PVT1: variants seen among roughly 807,000 people sequenced by gnomAD.
PVT1 encodes the protein Pvt1 oncogene, also known as CXCR4/PVT1 fusion.
At chr8:127,823,243 G>A (rs1810793071) in intron 2 of PVT1, among the ~76,000 whole-genome samples, 1 of 152,126 alleles carries the variant, frequency 6.6e-6, no homozygotes, top group Non-Finnish European at 1.5e-5. Context: ...TCAGGTTGTT[G>A]GGGAGGCTTT....
intron 2 of PVT1, among the ~76,000 whole-genome samples, chr8:127,842,260 T>G (rs1814982795): frequency 6.6e-6 from 1 of 151,014 alleles, no homozygotes; most frequent in South Asian, 2.1e-4. Context: ...CTCTGGATTT[T>G]TTTTTTTTTT....
chr8:127,840,149 CCTTTGG>C (rs1329765452), intron 2 of PVT1, among the ~76,000 whole-genome samples: 1 of 152,112 alleles, frequency 6.6e-6, no homozygotes, highest in African/African-American at 2.4e-5. Flanking sequence ...CTACACAGGG[CCTTTGG>C]CTTTCTTCGG....
intron 3 of PVT1, among the ~76,000 whole-genome samples, chr8:127,906,528 A>G (rs1474548218): frequency 6.6e-6 from 1 of 152,044 alleles, no homozygotes; most frequent in African/African-American, 2.4e-5. Context: ...GCAGATTGTA[A>G]CTCTTTGGTG....
chr8:127,945,965 A>G (rs1219750974), intron 3 of PVT1, among the ~76,000 whole-genome samples: 1 of 152,144 alleles, frequency 6.6e-6, no homozygotes, highest in African/African-American at 2.4e-5. Context: ...GACTAAAGCT[A>G]CCAGCCTCGC....
intron 3 of PVT1, among the ~76,000 whole-genome samples, chr8:127,975,424 G>A (rs1816813198): frequency 6.6e-6 from 1 of 152,058 alleles, no homozygotes; most frequent in Non-Finnish European, 1.5e-5. Context: ...TTGCCTCTGT[G>A]TGTTTACCAA....
chr8:127,845,438 G>A (rs2129723245), intron 2 of PVT1, among the ~76,000 whole-genome samples: 1 of 152,318 alleles, frequency 6.6e-6, no homozygotes, highest in Admixed American at 6.5e-5. Context: ...GGGACAGAGG[G>A]GAGAGGGTGA....
At chr8:127,818,765 A>C (rs7818222) in intron 2 of PVT1, among the ~76,000 whole-genome samples, 5,111 of 152,240 alleles carry the variant, frequency 0.034, 90 homozygotes, top group Middle Eastern at 0.037. Context: ...ACTAGAAAAT[A>C]AGTGGTACTC....
At chr8:127,825,334 A>C (rs1413159316) in intron 2 of PVT1, among the ~76,000 whole-genome samples, 38 of 152,182 alleles carry the variant, frequency 2.5e-4, no homozygotes, top group Non-Finnish European at 7.3e-5. Flanking sequence ...GGTTACACCA[A>C]GTTACAGTCA....
intron 3 of PVT1, among the ~76,000 whole-genome samples, chr8:127,961,698 G>A (rs10808562): frequency 0.43 from 65,841 of 152,078 alleles, 14,584 homozygotes; most frequent in East Asian, 0.61. Context: ...TCCAAACCAC[G>A]GAACAACTTG....
chr8:128,032,327 A>G (rs1373201002), intron 4 of PVT1, among the ~76,000 whole-genome samples: 1 of 152,116 alleles, frequency 6.6e-6, no homozygotes, highest in Non-Finnish European at 1.5e-5. Flanking sequence ...AAGGGTGAGG[A>G]GGTTGCCCCA....
intron 2 of PVT1, among the ~76,000 whole-genome samples, chr8:127,822,356 T>C (rs1814743131): frequency 6.6e-6 from 1 of 152,172 alleles, no homozygotes; most frequent in Non-Finnish European, 1.5e-5. Context: ...GACGAGCGGA[T>C]AGTTGAGATC....
intron 2 of PVT1, among the ~76,000 whole-genome samples, chr8:127,887,206 C>G (rs1430266391): frequency 6.6e-6 from 1 of 152,176 alleles, no homozygotes; most frequent in Non-Finnish European, 1.5e-5. Context: ...GCCTTGATCT[C>G]TGTCCTGATG....
At chr8:127,947,353 G>A (rs1334033640) in intron 3 of PVT1, 1 of 246,982 alleles carries the variant, frequency 4.0e-6, no homozygotes, top group Non-Finnish European at 8.1e-6. Flanking sequence ...GATAATTACT[G>A]TTGCTCAAAG....
At chr8:128,044,029 T>G (rs886224391) in intron 4 of PVT1, among the ~76,000 whole-genome samples, 22 of 148,004 alleles carry the variant, frequency 1.5e-4, no homozygotes, top group Admixed American at 1.4e-3. Context: ...TTTTTTTTTT[T>G]TGTAGAGAAG....
intron 4 of PVT1, among the ~76,000 whole-genome samples, chr8:128,029,186 T>C (rs1041868982): frequency 6.6e-6 from 1 of 151,946 alleles, no homozygotes; most frequent in African/African-American, 2.4e-5. Flanking sequence ...GCAGTGGCTC[T>C]ATCACTGCTT....
intron 2 of PVT1, among the ~76,000 whole-genome samples, chr8:127,844,851 C>A (rs1371180048): frequency 6.6e-6 from 1 of 152,098 alleles, no homozygotes; most frequent in Non-Finnish European, 1.5e-5. Flanking sequence ...GTAGCTGGAA[C>A]TACAGGCGCC....
intron 6 of PVT1, among the ~76,000 whole-genome samples, chr8:128,097,466 T>G (rs74475382): frequency 0.056 from 8,555 of 152,088 alleles, 648 homozygotes; most frequent in African/African-American, 0.18. Context: ...CACTAAAGGG[T>G]TGAAGAATAC....
At chr8:128,032,061 G>T (rs1399362879) in intron 4 of PVT1, among the ~76,000 whole-genome samples, 1 of 152,110 alleles carries the variant, frequency 6.6e-6, no homozygotes, top group Admixed American at 6.6e-5. Flanking sequence ...CTTCTTGCTG[G>T]GATTTCAAAT....
At chr8:128,051,331 A>G (rs1813692866) in intron 4 of PVT1, among the ~76,000 whole-genome samples, 1 of 152,244 alleles carries the variant, frequency 6.6e-6, no homozygotes, top group Non-Finnish European at 1.5e-5. Flanking sequence ...TCTGTGCCCA[A>G]GGAGAGGAGG....
Sources: allele counts gnomAD v4.1 joint callset (sites outside exome capture counted in the v4.1 genomes callset), GRCh38; gene constraint gnomAD v4.1.1; transcripts MANE v1.5; gene names NCBI Gene and HGNC (gene_info 2026-07-23, HGNC 2026-07-21).